AUTS2: variants seen among roughly 807,000 people sequenced by gnomAD.
AUTS2 encodes the protein autism susceptibility gene 2 protein.
AUTS2 carries 17 observed loss-of-function variants against 112.4 expected under a neutral mutation model. That is an observed-to-expected ratio of 0.15 (90% CI 0.10 to 0.23). The LOEUF (loss-of-function observed/expected upper bound fraction) is 0.23. Ranked by LOEUF, AUTS2 falls within the 10% of genes least tolerant of loss-of-function variation. The pLI, the probability that AUTS2 is intolerant of heterozygous loss-of-function variation, is 1.00. For synonymous variants in AUTS2, 751 were observed against 702.7 expected (o/e 1.07, Z -1.09); for missense variants, 1,510 against 1,701.6 (o/e 0.89, Z 1.98).
chr7:70,158,806 G>C (rs1807921620), intron 4 of AUTS2, among the ~76,000 whole-genome samples: 1 of 152,032 alleles, frequency 6.6e-6, no homozygotes, highest in Non-Finnish European at 1.5e-5. Context: ...TTGTGATTTA[G>C]CTGGAGGACT....
At chr7:69,688,012 A>C (rs901849070) in intron 1 of AUTS2, among the ~76,000 whole-genome samples, 3 of 152,258 alleles carry the variant, frequency 2.0e-5, no homozygotes, top group Non-Finnish European at 4.4e-5. Flanking sequence ...TTAAGCTGCC[A>C]AGCCTTTTAA....
chr7:70,196,944 T>G (rs915908664), intron 4 of AUTS2, among the ~76,000 whole-genome samples: 1 of 152,210 alleles, frequency 6.6e-6, no homozygotes, highest in Non-Finnish European at 1.5e-5. Context: ...TTACACTTAG[T>G]GTATGTAATG....
At chr7:70,258,009 G>A (rs1195261636) in intron 4 of AUTS2, among the ~76,000 whole-genome samples, 1 of 152,194 alleles carries the variant, frequency 6.6e-6, no homozygotes, top group Non-Finnish European at 1.5e-5. Flanking sequence ...TCTTGTGTGT[G>A]ACTGCTGCCC....
intron 5 of AUTS2, among the ~76,000 whole-genome samples, chr7:70,583,010 T>A (rs1802521154): frequency 6.6e-6 from 1 of 152,194 alleles, no homozygotes; most frequent in Non-Finnish European, 1.5e-5. Context: ...GTACTGTATC[T>A]TTAACCTTTT....
At chr7:70,151,161 G>T (rs58148320) in intron 4 of AUTS2, among the ~76,000 whole-genome samples, 14 of 152,102 alleles carry the variant, frequency 9.2e-5, no homozygotes, top group East Asian at 3.9e-4. Context: ...AGAGTATTAG[G>T]GGGGAGGGGT....
chr7:70,328,475 G>A (rs1229645706), intron 4 of AUTS2, among the ~76,000 whole-genome samples: 1 of 151,952 alleles, frequency 6.6e-6, no homozygotes, highest in African/African-American at 2.4e-5. Flanking sequence ...TCCCACCTTT[G>A]TCTCCCAAAA....
chr7:70,457,525 T>C (rs1260746150), intron 5 of AUTS2, among the ~76,000 whole-genome samples: 1 of 152,174 alleles, frequency 6.6e-6, no homozygotes, highest in African/African-American at 2.4e-5. Flanking sequence ...CAGTGTTCAT[T>C]TTTTCTGTCC....
intron 1 of AUTS2, among the ~76,000 whole-genome samples, chr7:69,666,603 A>G (rs528657933): frequency 1.3e-5 from 2 of 152,280 alleles, no homozygotes; most frequent in East Asian, 3.9e-4. Flanking sequence ...AATCATGCGT[A>G]TGGTTCCTGT....
At chr7:70,435,335 A>G (rs1212048549) in intron 4 of AUTS2, among the ~76,000 whole-genome samples, 1 of 152,242 alleles carries the variant, frequency 6.6e-6, no homozygotes, top group African/African-American at 2.4e-5. Context: ...TTAGCTGAAG[A>G]TAGAATGTCT....
At chr7:70,170,393 C>T (rs1808612739) in intron 4 of AUTS2, among the ~76,000 whole-genome samples, 1 of 151,852 alleles carries the variant, frequency 6.6e-6, no homozygotes, top group Non-Finnish European at 1.5e-5. Flanking sequence ...CTCAAGCAAT[C>T]CGCCTGCCTT....
At chr7:70,080,021 A>C (rs1218030135) in intron 2 of AUTS2, among the ~76,000 whole-genome samples, 1 of 152,012 alleles carries the variant, frequency 6.6e-6, no homozygotes, top group Non-Finnish European at 1.5e-5. Flanking sequence ...CATGACCTAA[A>C]CATTTCCCAT....
At chr7:70,175,607 T>C (rs1331311289) in intron 4 of AUTS2, among the ~76,000 whole-genome samples, 7 of 152,046 alleles carry the variant, frequency 4.6e-5, no homozygotes, top group Non-Finnish European at 1.0e-4. Context: ...CACCCAACCT[T>C]CAGCAACCAC....
At chr7:70,552,901 C>T (rs955765619) in intron 5 of AUTS2, among the ~76,000 whole-genome samples, 1 of 152,174 alleles carries the variant, frequency 6.6e-6, no homozygotes, top group Non-Finnish European at 1.5e-5. Flanking sequence ...TCCTCACAGC[C>T]CTGTTGACCA....
rs982599770 is a variant in AUTS2 at position 70,435,678 on chromosome 7, G to A, written c.661-74G>A. 7.6e-6 allele frequency: 11 copies of A among 1,456,814 alleles called. No homozygotes were observed. The Admixed American group carries it at 1.2e-4, about 16-fold the overall frequency. The allele number at this position is 1,456,814 out of a possible 1,614,324, so 90.2% of individuals were successfully genotyped here. On this transcript the variant is annotated intron_variant, in intron 4 of 18. Transcript: ENST00000342771. ...CTTGCACTTTTTTTGTATGGGGGTT[G>A]GGGGAGGAGGCATCAAAAGCAAAAA...
chr7:70,358,246 G>A (rs1229493077), intron 4 of AUTS2, among the ~76,000 whole-genome samples: 2 of 152,168 alleles, frequency 1.3e-5, no homozygotes, highest in African/African-American at 2.4e-5. Context: ...CCCAAATGGA[G>A]GGAAAGGATT....
intron 4 of AUTS2, among the ~76,000 whole-genome samples, chr7:70,140,658 TC>T (rs1014098574): frequency 1.3e-5 from 2 of 152,116 alleles, no homozygotes; most frequent in African/African-American, 4.8e-5. Context: ...TTTTAACACT[TC>T]CCCCCAAATA....
intron 5 of AUTS2, among the ~76,000 whole-genome samples, chr7:70,477,908 G>T (rs568323035): frequency 1.1e-3 from 35 of 32,510 alleles, no homozygotes; most frequent in Non-Finnish European, 1.5e-3. Context: ...CTGGACCAGG[G>T]TCATCACTGA....
chr7:70,009,718 A>C (rs1799711171), intron 2 of AUTS2, among the ~76,000 whole-genome samples: 1 of 152,194 alleles, frequency 6.6e-6, no homozygotes, highest in Non-Finnish European at 1.5e-5. Context: ...CTATGCAGCC[A>C]TATAATCTAT....
At chr7:70,297,884 C>A (rs1789018690) in intron 4 of AUTS2, among the ~76,000 whole-genome samples, 1 of 152,160 alleles carries the variant, frequency 6.6e-6, no homozygotes, top group African/African-American at 2.4e-5. Context: ...TAGAGTACTA[C>A]AAACTGATTG....
Sources: gnomAD v4.1 joint callset for allele counts (sites outside exome capture counted in the v4.1 genomes callset) on GRCh38, gnomAD v4.1.1 for gene constraint, MANE v1.5 for transcripts, NCBI Gene and HGNC (gene_info 2026-07-23, HGNC 2026-07-21) for gene names.